ZFHX4: variants seen among roughly 807,000 people sequenced by gnomAD.
ZFHX4 encodes the protein zinc finger homeobox 4, also known as zinc finger homeobox protein 4.
Under a neutral mutation model 267.6 loss-of-function variants are expected in ZFHX4, and 56 were observed. The observed-to-expected ratio is 0.21, with a 90% CI of 0.17 to 0.26. The LOEUF is 0.26. ZFHX4 is among the 10% of genes least tolerant of loss of function. The pLI, the probability that ZFHX4 is intolerant of heterozygous loss-of-function variation, is 1.00. For missense variants in ZFHX4, 4,332 were observed against 4,420.0 expected (o/e 0.98, Z 0.56); for synonymous variants, 1,778 against 1,665.6 (o/e 1.07, Z -1.64).
chr8:76,743,164 G>T (rs1390264444), intron 3 of ZFHX4, among the ~76,000 whole-genome samples: 1 of 152,160 alleles, frequency 6.6e-6, no homozygotes, highest in Non-Finnish European at 1.5e-5. Context: ...TAGAGAGTTT[G>T]CCACTAACAC....
At chr8:76,820,091 A>G (rs1262948324) in intron 4 of ZFHX4, among the ~76,000 whole-genome samples, 1 of 152,230 alleles carries the variant, frequency 6.6e-6, no homozygotes, top group Non-Finnish European at 1.5e-5. Context: ...TGTCCTAGTA[A>G]CAGCATTGTT....
chr8:76,771,831 T>A (rs1810271865), intron 3 of ZFHX4, among the ~76,000 whole-genome samples: 1 of 152,118 alleles, frequency 6.6e-6, no homozygotes, highest in Non-Finnish European at 1.5e-5. Context: ...TGGGAAATAA[T>A]CAGAAGGCAT....
chr8:76,719,149 C>T (rs1202712894), intron 3 of ZFHX4, among the ~76,000 whole-genome samples: 36 of 112,184 alleles, frequency 3.2e-4, no homozygotes, highest in Admixed American at 2.8e-3. Context: ...GGATGAATTG[C>T]ATGTGTGTGT....
intron 3 of ZFHX4, among the ~76,000 whole-genome samples, chr8:76,708,556 A>G (rs1808341905): frequency 6.6e-6 from 1 of 152,218 alleles, no homozygotes; most frequent in Non-Finnish European, 1.5e-5. Flanking sequence ...ACTCTCCCTT[A>G]GCATCCTTGG....
Position 76,778,301 on chromosome 8 carries a change from G to A in ZFHX4, c.3187G>A (p.Val1063Ile), listed in dbSNP as rs1193286691. The change falls in exon 4 of 11, where the codon GTA becomes ATA. Residue 1063 changes from valine to isoleucine, a missense_variant. By Grantham distance (29) the Val-to-Ile change is conservative (BLOSUM62 3). This residue lies in a region of ZFHX4 where 1,371 missense variants were observed against 1,423.1 expected (regional missense o/e 0.96). Transcript: ENST00000651372. ...CACCACCAAGGTCAAGTTGAATCTG[G>A]TACAACATGTCCGTTCGGTGAAGCA... ...DYTTKVKLNL[V>I]QHVRSVKHQQ... 1 of 1,613,746 alleles carries A rather than the reference G, an allele frequency of 6.2e-7. No individual in the cohort carries two copies. Among genetic ancestry groups the A allele is most frequent in the Non-Finnish European group, 8.5e-7 (1 of 1,179,754 alleles).
intron 3 of ZFHX4, among the ~76,000 whole-genome samples, chr8:76,717,452 T>C (rs941357109): frequency 1.3e-5 from 2 of 152,218 alleles, no homozygotes; most frequent in African/African-American, 2.4e-5. Context: ...GTCACTGACA[T>C]TGCTGCAGTT....
intron 3 of ZFHX4, among the ~76,000 whole-genome samples, chr8:76,752,344 AAAC>A (rs1489771798): frequency 1.3e-5 from 2 of 151,784 alleles, no homozygotes; most frequent in East Asian, 3.9e-4. Context: ...ATTAAAAAAA[AAAC>A]AACACACATA....
At chr8:76,735,222 C>A (rs1434593777) in intron 3 of ZFHX4, among the ~76,000 whole-genome samples, 5 of 151,982 alleles carry the variant, frequency 3.3e-5, no homozygotes, top group Non-Finnish European at 7.4e-5. Flanking sequence ...TGTGAGCTTT[C>A]CAAAAGAAAA....
chr8:76,843,919 A>T (rs185143074), intron 6 of ZFHX4, among the ~76,000 whole-genome samples: 1 of 152,110 alleles, frequency 6.6e-6, no homozygotes, highest in African/African-American at 2.4e-5. Flanking sequence ...ACTGTTCAGT[A>T]CTAAATTTCT....
chr8:76,782,821 T>C (rs1415981565), intron 4 of ZFHX4, among the ~76,000 whole-genome samples: 1 of 152,036 alleles, frequency 6.6e-6, no homozygotes, highest in African/African-American at 2.4e-5. Flanking sequence ...TCTCTCATAA[T>C]CATAATCGTT....
intron 3 of ZFHX4, among the ~76,000 whole-genome samples, chr8:76,738,171 C>T (rs1809214826): frequency 6.6e-6 from 1 of 152,024 alleles, no homozygotes. Context: ...TTTTGTTTTG[C>T]TTGTGGGTAG....
intron 5 of ZFHX4, among the ~76,000 whole-genome samples, chr8:76,837,988 A>G (rs890876531): frequency 1.3e-5 from 2 of 152,230 alleles, no homozygotes; most frequent in Non-Finnish European, 2.9e-5. Context: ...ATGTTATTCC[A>G]TAACAAACCT....
chr8:76,721,949 T>G (rs2131640811), intron 3 of ZFHX4, among the ~76,000 whole-genome samples: 1 of 152,280 alleles, frequency 6.6e-6, no homozygotes, highest in Admixed American at 6.5e-5. Flanking sequence ...ACAGGATTTT[T>G]TTTTCTTTTT....
chr8:76,772,252 G>GT (rs1210734963), intron 3 of ZFHX4, among the ~76,000 whole-genome samples: 1 of 152,128 alleles, frequency 6.6e-6, no homozygotes, highest in African/African-American at 2.4e-5. Context: ...AATCAGTTGT[G>GT]TTTTTTATTT....
intron 4 of ZFHX4, among the ~76,000 whole-genome samples, chr8:76,803,334 T>C (rs2131830651): frequency 6.6e-6 from 1 of 152,172 alleles, no homozygotes; most frequent in South Asian, 2.1e-4. Context: ...GGTCTTTTGA[T>C]GTTTGAAAAT....
intron 4 of ZFHX4, among the ~76,000 whole-genome samples, chr8:76,827,164 A>G (rs1009541697): frequency 6.6e-6 from 1 of 152,230 alleles, no homozygotes; most frequent in Non-Finnish European, 1.5e-5. Context: ...GGTCAGGTGT[A>G]GATGGTTTGG....
At chr8:76,795,471 C>T (rs956381525) in intron 4 of ZFHX4, among the ~76,000 whole-genome samples, 2 of 150,966 alleles carry the variant, frequency 1.3e-5, no homozygotes, top group African/African-American at 2.4e-5. Flanking sequence ...GATGGGGTCT[C>T]GCTGTGTTGT....
At chr8:76,786,081 G>C (rs1330207652) in intron 4 of ZFHX4, among the ~76,000 whole-genome samples, 1 of 152,124 alleles carries the variant, frequency 6.6e-6, no homozygotes. Context: ...GAGAGGTCAA[G>C]TCTATTTTTA....
intron 4 of ZFHX4, among the ~76,000 whole-genome samples, chr8:76,779,545 T>C (rs1810494010): frequency 6.6e-6 from 1 of 152,030 alleles, no homozygotes; most frequent in Non-Finnish European, 1.5e-5. Context: ...ACATAGCAAC[T>C]CTATTGAATC....
Sources: gnomAD v4.1 joint callset for allele counts (sites outside exome capture counted in the v4.1 genomes callset) on GRCh38, gnomAD v4.1.1 for gene constraint, gnomAD v4.1.1 regional missense constraint, MANE v1.5 for transcripts, NCBI Gene and HGNC (gene_info 2026-07-23, HGNC 2026-07-21) for gene names.